The following RBFOX1 variants were observed in gnomAD, a reference collection of about 807,000 sequenced individuals.
RBFOX1 encodes the protein RNA binding fox-1 homolog 1, also known as RNA binding protein fox-1 homolog 1.
A neutral mutation model predicts 57.7 loss-of-function variants in RBFOX1; 8 were observed. The observed-to-expected ratio is 0.14, with a 90% CI of 0.08 to 0.25. The LOEUF is 0.25. Ranked by LOEUF, RBFOX1 falls within the 10% of genes least tolerant of loss-of-function variation. RBFOX1 has a pLI of 1.00. For missense variants in RBFOX1, 611 were observed against 548.5 expected (o/e 1.11, Z -1.14); for synonymous variants, 326 against 222.4 (o/e 1.47, Z -4.15).
At chr16:6,812,058 A>T (rs1289674724) in intron 3 of RBFOX1, among the ~76,000 whole-genome samples, 1 of 152,024 alleles carries the variant, frequency 6.6e-6, no homozygotes, top group East Asian at 1.9e-4. Context: ...GGTTTCATGT[A>T]TCACCATATA....
chr16:6,911,292 G>C (rs1460277390), intron 3 of RBFOX1, among the ~76,000 whole-genome samples: 5 of 152,074 alleles, frequency 3.3e-5, no homozygotes, highest in African/African-American at 7.2e-5. Context: ...CACAAACTAG[G>C]AGGCTTCGGC....
Position 6,187,002 on chromosome 16 carries a change from C to G in RBFOX1, c.-126-129993C>G, listed in dbSNP as rs563828631. Among the ~76,000 whole-genome samples, 49 of 152,224 alleles carry G rather than the reference C, an allele frequency of 3.2e-4. 2 individuals carry two copies. Among genetic ancestry groups the G allele is most frequent in the African/African-American group, 1.1e-3 (47 of 41,546 alleles). The stretch of plus-strand genomic sequence containing the variant: ...TATTTGGGTATATTTATCTGTGTAT[C>G]TAGTCAGTGATACTGTTGAACTGTA... On this transcript the variant is annotated intron_variant, in intron 1 of 15. Transcript: ENST00000550418.
chr16:7,650,031 G>A (rs2064662413), intron 11 of RBFOX1, among the ~76,000 whole-genome samples: 4 of 71,498 alleles, frequency 5.6e-5, no homozygotes, highest in Admixed American at 2.7e-4. Context: ...GAAGAAAGAG[G>A]GAGGGAAGGA....
chr16:6,987,839 T>C (rs2090632948), intron 3 of RBFOX1, among the ~76,000 whole-genome samples: 2 of 152,096 alleles, frequency 1.3e-5, no homozygotes, highest in South Asian at 4.1e-4. Flanking sequence ...AGATTAGAAA[T>C]CCAGGTTTAT....
intron 3 of RBFOX1, among the ~76,000 whole-genome samples, chr16:6,699,036 G>T (rs2061454619): frequency 6.6e-6 from 1 of 152,138 alleles, no homozygotes; most frequent in Non-Finnish European, 1.5e-5. Flanking sequence ...CTAAAAATGG[G>T]TGTTTCTGTT....
intron 4 of RBFOX1, among the ~76,000 whole-genome samples, chr16:7,274,631 T>TTTTATTTA (rs71391613): frequency 0.017 from 2,547 of 151,512 alleles, 38 homozygotes; most frequent in Middle Eastern, 0.051. Flanking sequence ...GGTCATTAGT[T>TTTTATTTA]TTTATTTATT....
chr16:7,095,265 G>A (rs769791352), intron 4 of RBFOX1, among the ~76,000 whole-genome samples: 2 of 152,096 alleles, frequency 1.3e-5, no homozygotes, highest in Non-Finnish European at 2.9e-5. Flanking sequence ...GCCTACCCAA[G>A]TAGCTGAGAT....
intron 3 of RBFOX1, among the ~76,000 whole-genome samples, chr16:5,816,667 C>T (rs1279608606): frequency 6.6e-6 from 1 of 151,952 alleles, no homozygotes; most frequent in East Asian, 1.9e-4. Flanking sequence ...GCCTATAGTC[C>T]CAACTACTAG....
At chr16:5,921,129 A>G (rs929032069) in intron 4 of RBFOX1, among the ~76,000 whole-genome samples, 2 of 152,232 alleles carry the variant, frequency 1.3e-5, no homozygotes, top group Non-Finnish European at 2.9e-5. Context: ...GGATATAGGT[A>G]TCATGCTAGG....
chr16:5,545,820 G>A (rs2045174648), intron 2 of RBFOX1, among the ~76,000 whole-genome samples: 1 of 152,080 alleles, frequency 6.6e-6, no homozygotes, highest in African/African-American at 2.4e-5. Flanking sequence ...CACTGTAGTG[G>A]AATAAGTCAC....
intron 14 of RBFOX1, among the ~76,000 whole-genome samples, chr16:7,704,902 C>G (rs569257744): frequency 6.6e-6 from 1 of 151,872 alleles, no homozygotes. Flanking sequence ...CAAAATTTAG[C>G]CACGTATGGT....
intron 4 of RBFOX1, among the ~76,000 whole-genome samples, chr16:7,341,716 TTCCCTCCC>T (rs1181153669): frequency 9.1e-5 from 13 of 143,576 alleles, no homozygotes; most frequent in Non-Finnish European, 1.8e-4. Flanking sequence ...CCTTCCTTCC[TTCCCTCCC>T]TCCCTCCCTC....
chr16:5,331,855 A>G lies in RBFOX1; in HGVS notation c.219+91750A>G, dbSNP rs1006993583. On this transcript the variant is annotated intron_variant, in intron 1 of 2. Coordinates refer to the RBFOX1 transcript ENST00000585867. The stretch of plus-strand genomic sequence containing the variant: ...GCTGGTGACCATGCCCACCCTGGGC[A>G]CCAACCCCTGTGTTCCAGTGGGGTC... Among the ~76,000 whole-genome samples, 3 of 152,344 alleles carry G rather than the reference A, an allele frequency of 2.0e-5. No homozygotes were observed. The South Asian group carries it at 6.2e-4, about 32-fold the overall frequency.
intron 3 of RBFOX1, among the ~76,000 whole-genome samples, chr16:6,781,664 T>G (rs925156613): frequency 2.6e-5 from 4 of 152,148 alleles, no homozygotes; most frequent in Non-Finnish European, 5.9e-5. Context: ...GTTTTTTATG[T>G]CCAGGAATTT....
chr16:6,186,884 C>T (rs541196061), intron 1 of RBFOX1, among the ~76,000 whole-genome samples: 1 of 152,192 alleles, frequency 6.6e-6, no homozygotes, highest in South Asian at 2.1e-4. Flanking sequence ...ACAAAGGCCC[C>T]CGAGTTGGGA....
chr16:6,338,809 G>C (rs1174337798), intron 2 of RBFOX1, among the ~76,000 whole-genome samples: 1 of 152,198 alleles, frequency 6.6e-6, no homozygotes, highest in East Asian at 1.9e-4. Context: ...GGAACAATTT[G>C]AACCTGTAGA....
intron 1 of RBFOX1, among the ~76,000 whole-genome samples, chr16:6,025,548 C>G (rs1281590377): frequency 6.6e-6 from 1 of 152,208 alleles, no homozygotes; most frequent in Non-Finnish European, 1.5e-5. Flanking sequence ...CCACCACATC[C>G]TTTTGATGGC....
chr16:7,675,533 T>G lies in RBFOX1; in HGVS notation c.931-1241T>G, dbSNP rs2073019071. On this transcript the variant is annotated intron_variant, in intron 13 of 15. Transcript: ENST00000550418. ...ATAAACTCGTTTCTTTGAATTGCTG[T>G]GCAAATGATAGCATATTTACTCTGA... 2.0e-5 allele frequency among the ~76,000 whole-genome samples: 3 copies of G among 152,336 alleles called. No homozygotes were observed. In the South Asian group the frequency reaches 6.2e-4, roughly 32 times the overall value.
At chr16:6,845,333 A>T (rs1207098036) in intron 3 of RBFOX1, among the ~76,000 whole-genome samples, 2 of 151,570 alleles carry the variant, frequency 1.3e-5, no homozygotes, top group Non-Finnish European at 2.9e-5. Context: ...TAACTCTTTA[A>T]TCTTTCTTGA....
Sources: allele counts gnomAD v4.1 joint callset (sites outside exome capture counted in the v4.1 genomes callset), GRCh38; gene constraint gnomAD v4.1.1; transcripts MANE v1.5; gene names NCBI Gene and HGNC (gene_info 2026-07-23, HGNC 2026-07-21).